The following FAM13A variants were observed in gnomAD, a reference collection of about 807,000 sequenced individuals.
FAM13A encodes the protein protein FAM13A.
In FAM13A, 76 loss-of-function variants were observed where a neutral mutation model predicts 129.6. The observed-to-expected ratio is 0.59, with a 90% CI of 0.49 to 0.71. The LOEUF (loss-of-function observed/expected upper bound fraction) is 0.71, where lower values mean the gene tolerates loss of function less well. Ranked by LOEUF, FAM13A falls within the 30% of genes least tolerant of loss-of-function variation. The pLI is 0.00. For synonymous variants in FAM13A, 443 were observed against 449.9 expected (o/e 0.98, Z 0.20); for missense variants, 1,108 against 1,249.3 (o/e 0.89, Z 1.70).
chr4:88,977,142 C>T (rs936966977), intron 4 of FAM13A, among the ~76,000 whole-genome samples: 10 of 152,086 alleles, frequency 6.6e-5, no homozygotes, highest in African/African-American at 2.4e-4. Context: ...AGGTTAACAA[C>T]AATAACTAAT....
chr4:88,971,616 C>T lies in FAM13A; in HGVS notation c.605+19357G>A, dbSNP rs945827839. On this transcript the variant is annotated intron_variant, in intron 4 of 23. Transcript: ENST00000264344. ...TGAACTCCTTGGCTCAAGAGAACCT[C>T]CTGCCTTAGCCTCCCAAGTAGCTGG... Among the ~76,000 whole-genome samples the T allele has an allele frequency of 3.9e-5, 6 of 152,272 alleles. No homozygotes were observed. The South Asian group carries it at 1.2e-3, about 32-fold the overall frequency.
At chr4:88,821,735 C>T (rs747977672) in intron 7 of FAM13A, among the ~76,000 whole-genome samples, 1 of 152,162 alleles carries the variant, frequency 6.6e-6, no homozygotes, top group African/African-American at 2.4e-5. Flanking sequence ...AGCATGTGGA[C>T]ATTTTCACTG....
intron 14 of FAM13A, chr4:88,753,634 TTCTC>T: frequency 3.2e-6 from 3 of 945,196 alleles, no homozygotes; most frequent in Non-Finnish European, 3.8e-6. Context: ...TCTCTCCTTT[TTCTC>T]TCTTTTCTGT....
chr4:88,955,222 T>C (rs1757555787), intron 4 of FAM13A, among the ~76,000 whole-genome samples: 1 of 152,138 alleles, frequency 6.6e-6, no homozygotes, highest in African/African-American at 2.4e-5. Context: ...AATATCATTA[T>C]ATTTATTTAT....
intron 5 of FAM13A, among the ~76,000 whole-genome samples, chr4:88,925,735 T>A (rs937135971): frequency 1.3e-5 from 2 of 150,030 alleles, no homozygotes; most frequent in African/African-American, 4.9e-5. Flanking sequence ...AAAAGAGAAA[T>A]GCCAATGTAT....
intron 6 of FAM13A, among the ~76,000 whole-genome samples, chr4:88,903,047 G>T (rs965935477): frequency 2.0e-5 from 3 of 152,168 alleles, no homozygotes; most frequent in Admixed American, 2.0e-4. Context: ...AGCTAACAAG[G>T]GAAGTAAAGG....
intron 1 of FAM13A, among the ~76,000 whole-genome samples, chr4:89,041,135 T>C (rs10027874): frequency 0.29 from 43,922 of 152,030 alleles, 6,861 homozygotes; most frequent in Middle Eastern, 0.42. Context: ...AGTACAAACA[T>C]ACAGTTAGAA....
intron 6 of FAM13A, among the ~76,000 whole-genome samples, chr4:88,858,865 G>C (rs1448236628): frequency 6.6e-6 from 1 of 152,294 alleles, no homozygotes; most frequent in Non-Finnish European, 1.5e-5. Context: ...AACCTTAAAA[G>C]GGTGAGTTTT....
chr4:88,926,957 G>A (rs1447154810), intron 5 of FAM13A, among the ~76,000 whole-genome samples: 1 of 151,872 alleles, frequency 6.6e-6, no homozygotes, highest in East Asian at 1.9e-4. Context: ...TGGGCTTTTA[G>A]TGTGTGTACA....
chr4:88,726,299 T>TAA lies in FAM13A; in HGVS notation c.*2232_*2233dup, dbSNP rs1553949978. On this transcript the variant is annotated 3_prime_UTR_variant, in exon 24 of 24. Transcript: ENST00000264344. Reference sequence around the variant, plus strand: ...TCTGGGCTCCATTCCATGAAGAATATAAGTTAGTTAGTTAGTTAGTGGAAA... The same window carrying TAA: ...TCTGGGCTCCATTCCATGAAGAATATAAAAGTTAGTTAGTTAGTTAGTGGAAA... The TAA allele has an allele frequency of 2.0e-5, 3 of 150,934 alleles. No homozygotes were observed. Among genetic ancestry groups the TAA allele is most frequent in the Non-Finnish European group, 4.4e-5 (3 of 67,906 alleles). The allele number at this position is 150,934 out of a possible 1,614,324, so 9.3% of individuals were successfully genotyped here. A position where few individuals can be genotyped will look rare whatever the true frequency, so the allele number is the denominator to read the frequency against.
chr4:88,999,103 T>C (rs1232552550), intron 3 of FAM13A, among the ~76,000 whole-genome samples: 2 of 152,170 alleles, frequency 1.3e-5, no homozygotes, highest in Non-Finnish European at 2.9e-5. Flanking sequence ...GATCCTCCTG[T>C]TCCCAGAGAG....
At chr4:88,978,068 G>T (rs1049120337) in intron 4 of FAM13A, among the ~76,000 whole-genome samples, 6 of 152,132 alleles carry the variant, frequency 3.9e-5, no homozygotes, top group Admixed American at 1.3e-4. Context: ...AAAAATAGCA[G>T]TTTTACATGG....
At chr4:88,819,569 G>C (rs1317121800) in intron 7 of FAM13A, among the ~76,000 whole-genome samples, 1 of 152,126 alleles carries the variant, frequency 6.6e-6, no homozygotes, top group African/African-American at 2.4e-5. Flanking sequence ...ATTGTACAAA[G>C]AGCCTGTGGT....
At chr4:88,750,845 C>T (rs918938457) in intron 14 of FAM13A, among the ~76,000 whole-genome samples, 3 of 152,224 alleles carry the variant, frequency 2.0e-5, no homozygotes, top group African/African-American at 4.8e-5. Flanking sequence ...GTCTACCTCT[C>T]GTTTCCATTC....
intron 7 of FAM13A, among the ~76,000 whole-genome samples, chr4:88,827,085 C>T (rs1456033721): frequency 3.9e-5 from 6 of 152,214 alleles, no homozygotes; most frequent in Non-Finnish European, 8.8e-5. Context: ...CAATGGACTT[C>T]GACCTTTACC....
rs1763055945 is a variant in FAM13A, at chr4:88,992,647, A to T, written c.428-1497T>A. 3.3e-5 allele frequency among the ~76,000 whole-genome samples: 5 copies of T among 152,362 alleles called. No individual in the cohort carries two copies. In the South Asian group the frequency reaches 1.0e-3, roughly 32 times the overall value. On this transcript the variant is annotated intron_variant, in intron 3 of 23. Coordinates refer to ENST00000264344, the MANE Select transcript of FAM13A (RefSeq NM_014883.4). Reference sequence around the variant, plus strand: ...CATACACCCCAAAATGTCTAACAATATATCAAAATTCATAGGCATACATAT... The same window carrying T: ...CATACACCCCAAAATGTCTAACAATTTATCAAAATTCATAGGCATACATAT...
chr4:88,803,513 T>C (rs1047406521), intron 8 of FAM13A, among the ~76,000 whole-genome samples: 19 of 151,798 alleles, frequency 1.3e-4, no homozygotes, highest in African/African-American at 4.6e-4. Flanking sequence ...TCTCCTATAC[T>C]ATGTAAAACT....
In FAM13A at chr4:88,728,285, G is replaced by C; in HGVS notation, c.*248C>G. 1.8e-6 allele frequency: 1 copy of C among 541,100 alleles called. No homozygotes were observed. The highest frequency in any genetic ancestry group is 3.3e-6 in the Non-Finnish European group (1 of 299,772). 33.5% of individuals were successfully genotyped at this position (541,100 alleles called of 1,614,324 possible). A position where few individuals can be genotyped will look rare whatever the true frequency, so the allele number is the denominator to read the frequency against. ...TGTGTGTGTGTGTGCGTGCATGCGC[G>C]TGCGCATGTGCACATACTGCAGTCT... On this transcript the variant is annotated 3_prime_UTR_variant, in exon 24 of 24. Coordinates refer to ENST00000264344, the MANE Select transcript of FAM13A (RefSeq NM_014883.4).
chr4:88,839,286 T>C (rs916713366), intron 7 of FAM13A, among the ~76,000 whole-genome samples: 1 of 152,218 alleles, frequency 6.6e-6, no homozygotes, highest in Non-Finnish European at 1.5e-5. Context: ...CAATTATTTA[T>C]AAAATAGCCT....
Sources: allele counts gnomAD v4.1 joint callset (sites outside exome capture counted in the v4.1 genomes callset), GRCh38; gene constraint gnomAD v4.1.1; transcripts MANE v1.5; gene names NCBI Gene and HGNC (gene_info 2026-07-23, HGNC 2026-07-21).